The following CFDP1 variants were observed in gnomAD, a reference collection of about 807,000 sequenced individuals.
The protein encoded by CFDP1 is chromatin remodeling protein CFDP1.
In CFDP1, 31 loss-of-function variants were observed where a neutral mutation model predicts 40.1. The ratio of observed to expected loss-of-function variants is 0.77; its 90% CI spans 0.58 to 1.04. The LOEUF is 1.04. CFDP1 is among the 50% of genes least tolerant of loss of function. CFDP1 has a pLI of 0.00. For synonymous variants in CFDP1, 167 were observed against 120.0 expected, an observed-to-expected ratio of 1.39 and a Z score of -2.56; for missense variants, 423 against 343.4, an observed-to-expected ratio of 1.23 and a Z score of -1.83.
intron 4 of CFDP1, chr16:75,409,479 G>C (rs1487490940): frequency 2.6e-5 from 4 of 152,134 alleles, no homozygotes; most frequent in Non-Finnish European, 1.5e-5. Flanking sequence ...TAAAAATTTA[G>C]TTATCTTTTA....
At position 75,346,582 on chromosome 16, in the gene CFDP1, C is replaced by CAAAAAAAA. The variant is rs748081401; in HGVS notation, c.651-41408_651-41401dup. On this transcript the variant is annotated intron_variant, in intron 5 of 6. Transcript: ENST00000283882. ...TGGGTGACAGAGCAAGACTCTGTCTCAAAAAAAAAAAAAAAAAAAAAAAAA... is the reference window on the plus strand; with the variant it reads ...TGGGTGACAGAGCAAGACTCTGTCTCAAAAAAAAAAAAAAAAAAAAAAAAAAAAAAAAA... Among the ~76,000 whole-genome samples the CAAAAAAAA allele has an allele frequency of 7.7e-3, 455 of 59,322 alleles. 10 individuals carry two copies. Among genetic ancestry groups the CAAAAAAAA allele is most frequent in the Non-Finnish European group, 9.5e-3 (326 of 34,250 alleles). 38.9% of individuals were successfully genotyped at this position (59,322 alleles called of 152,430 possible). A position where few individuals can be genotyped will look rare whatever the true frequency, so the allele number is the denominator to read the frequency against.
At chr16:75,330,985 AC>A (rs373488155) in intron 5 of CFDP1, among the ~76,000 whole-genome samples, 1 of 142,666 alleles carries the variant, frequency 7.0e-6, no homozygotes, top group African/African-American at 2.7e-5. Flanking sequence ...AAAAAAAAAA[AC>A]ACAAAGTGGG....
Position 75,394,065 on chromosome 16 carries a change from T to A in CFDP1, c.650+1025A>T, listed in dbSNP as rs183514665. Among the ~76,000 whole-genome samples the A allele has an allele frequency of 7.7e-3, 1,171 of 151,226 alleles. 18 individuals are homozygous for A. The highest frequency in any genetic ancestry group is 0.026 in the African/African-American group (1,072 of 41,238). On this transcript the variant is annotated intron_variant, in intron 5 of 6. Transcript: ENST00000283882. ...GCGAGACTCCACCTCAAAAAAAAAATGTGAAACAAAACTTTACTGCTCATA... is the reference window on the plus strand; with the variant it reads ...GCGAGACTCCACCTCAAAAAAAAAAAGTGAAACAAAACTTTACTGCTCATA...
At chr16:75,347,343 C>CAAAAAAAA (rs762900031) in intron 5 of CFDP1, among the ~76,000 whole-genome samples, 2 of 91,624 alleles carry the variant, frequency 2.2e-5, no homozygotes, top group Non-Finnish European at 4.1e-5. Context: ...GACTCCATCT[C>CAAAAAAAA]AAAAAAAAAA....
chr16:75,322,762 TAA>T (rs765926154), intron 5 of CFDP1, among the ~76,000 whole-genome samples: 4 of 142,568 alleles, frequency 2.8e-5, no homozygotes, highest in Admixed American at 1.4e-4. Flanking sequence ...ATACAAATAT[TAA>T]AAAAAAAAAA....
At chr16:75,403,595 T>G (rs973166880) in intron 4 of CFDP1, among the ~76,000 whole-genome samples, 2 of 152,196 alleles carry the variant, frequency 1.3e-5, no homozygotes, top group African/African-American at 2.4e-5. Context: ...AAGTTATAAA[T>G]AAATCTTTCT....
At chr16:75,330,519 G>T (rs962200838) in intron 5 of CFDP1, among the ~76,000 whole-genome samples, 3 of 152,176 alleles carry the variant, frequency 2.0e-5, no homozygotes, top group Non-Finnish European at 4.4e-5. Flanking sequence ...AACCCCAAAG[G>T]TGCAGGTTGC....
intron 5 of CFDP1, among the ~76,000 whole-genome samples, chr16:75,340,963 A>G (rs1265529197): frequency 1.3e-5 from 2 of 152,202 alleles, no homozygotes; most frequent in Non-Finnish European, 2.9e-5. Context: ...CAAGCAGAGA[A>G]GTAGACTCCA....
At chr16:75,427,481 G>T (rs2079354629) in intron 1 of CFDP1, among the ~76,000 whole-genome samples, 1 of 152,104 alleles carries the variant, frequency 6.6e-6, no homozygotes, top group African/African-American at 2.4e-5. Flanking sequence ...TTGGACTCCT[G>T]ACCTTGTGAT....
chr16:75,360,229 G>C (rs2078672494), intron 5 of CFDP1, among the ~76,000 whole-genome samples: 1 of 151,538 alleles, frequency 6.6e-6, no homozygotes, highest in Non-Finnish European at 1.5e-5. Context: ...TCCACTAAAG[G>C]AACCAGGAAC....
At chr16:75,413,628 A>AGACTATTTT (rs1431554861) in intron 2 of CFDP1, among the ~76,000 whole-genome samples, 3 of 151,446 alleles carry the variant, frequency 2.0e-5, no homozygotes, top group African/African-American at 7.3e-5. Flanking sequence ...ATTGCTTCTT[A>AGACTATTTT]GACTATTTTG....
chr16:75,365,250 T>C (rs1463739216), intron 5 of CFDP1, among the ~76,000 whole-genome samples: 1 of 152,184 alleles, frequency 6.6e-6, no homozygotes, highest in African/African-American at 2.4e-5. Context: ...TATTATTAAA[T>C]GGAATAACAT....
At chr16:75,366,100 A>G (rs2078711883) in intron 5 of CFDP1, among the ~76,000 whole-genome samples, 1 of 152,268 alleles carries the variant, frequency 6.6e-6, no homozygotes, top group African/African-American at 2.4e-5. Flanking sequence ...TAGCAGCATT[A>G]TTTAAAAAGC....
chr16:75,386,892 T>C (rs1307293443), intron 5 of CFDP1, among the ~76,000 whole-genome samples: 1 of 152,254 alleles, frequency 6.6e-6, no homozygotes, highest in Non-Finnish European at 1.5e-5. Context: ...CCTGGAATAA[T>C]AGCTTTGAAT....
intron 2 of CFDP1, among the ~76,000 whole-genome samples, chr16:75,413,942 C>T (rs997997243): frequency 2.0e-5 from 3 of 152,062 alleles, no homozygotes. Context: ...TATATTTATA[C>T]ATGTATACAT....
At chr16:75,432,113 T>C (rs919866061) in intron 1 of CFDP1, among the ~76,000 whole-genome samples, 8 of 151,318 alleles carry the variant, frequency 5.3e-5, no homozygotes, top group African/African-American at 1.9e-4. Flanking sequence ...GGTTTTACCA[T>C]GTTGTCCAGG....
chr16:75,418,337 G>A (rs1211258075), intron 1 of CFDP1, among the ~76,000 whole-genome samples: 3 of 122,500 alleles, frequency 2.4e-5, no homozygotes, highest in Admixed American at 1.0e-4. Flanking sequence ...ACGCAGTCTC[G>A]CTCTGTCGCC....
intron 5 of CFDP1, among the ~76,000 whole-genome samples, chr16:75,374,768 A>G (rs915869908): frequency 3.9e-5 from 6 of 152,232 alleles, no homozygotes; most frequent in African/African-American, 1.4e-4. Flanking sequence ...ATTTAACCCA[A>G]TATGTCAGAA....
chr16:75,414,200 AT>A (rs919408110), intron 2 of CFDP1, among the ~76,000 whole-genome samples: 72 of 151,884 alleles, frequency 4.7e-4, no homozygotes, highest in African/African-American at 1.6e-3. Flanking sequence ...TACTATTTAT[AT>A]TTTTTTTCTA....
Sources: allele counts gnomAD v4.1 joint callset (sites outside exome capture counted in the v4.1 genomes callset), GRCh38; gene constraint gnomAD v4.1.1; transcripts MANE v1.5; gene names NCBI Gene and HGNC (gene_info 2026-07-23, HGNC 2026-07-21).